NKAIN3: variants seen among roughly 807,000 people sequenced by gnomAD.
NKAIN3 encodes the protein sodium/potassium transporting ATPase interacting 3.
NKAIN3 carries 25 observed loss-of-function variants against 30.2 expected under a neutral mutation model. The ratio of observed to expected loss-of-function variants is 0.83; its 90% CI spans 0.60 to 1.16. The LOEUF is 1.16. NKAIN3 is among the 50% of genes most tolerant of loss of function. The probability of loss-of-function intolerance (pLI) is 0.00; values close to 1 mark genes in which losing one functional copy is unlikely to be tolerated. For missense variants in NKAIN3, 225 were observed against 254.1 expected (o/e 0.89, Z 0.78); for synonymous variants, 91 against 89.6 (o/e 1.02, Z -0.09).
intron 1 of NKAIN3, among the ~76,000 whole-genome samples, chr8:62,502,141 T>G (rs1384210031): frequency 1.3e-5 from 2 of 152,064 alleles, no homozygotes; most frequent in African/African-American, 4.8e-5. Flanking sequence ...AAAAGTCTCT[T>G]TCTCATAAAT....
intron 4 of NKAIN3, among the ~76,000 whole-genome samples, chr8:62,778,582 G>A (rs1418049886): frequency 6.6e-6 from 1 of 152,046 alleles, no homozygotes; most frequent in African/African-American, 2.4e-5. Context: ...ATACTGCCAG[G>A]CCTGGGACTC....
At chr8:62,759,994 A>G (rs1816593100) in intron 4 of NKAIN3, among the ~76,000 whole-genome samples, 1 of 152,234 alleles carries the variant, frequency 6.6e-6, no homozygotes, top group South Asian at 2.1e-4. Context: ...TCAAAAGAAG[A>G]CATTTATGCA....
intron 1 of NKAIN3, among the ~76,000 whole-genome samples, chr8:62,541,568 G>T (rs951242020): frequency 2.6e-5 from 4 of 151,994 alleles, no homozygotes; most frequent in Non-Finnish European, 4.4e-5. Flanking sequence ...CTCTGAGAAG[G>T]TCTATTAAAT....
chr8:62,648,524 G>A (rs1008171094), intron 3 of NKAIN3, among the ~76,000 whole-genome samples: 3 of 152,098 alleles, frequency 2.0e-5, no homozygotes, highest in African/African-American at 7.2e-5. Flanking sequence ...AAAAATAGAA[G>A]TGAGGTAAGA....
At chr8:62,881,873 T>C (rs1231220786) in intron 4 of NKAIN3, among the ~76,000 whole-genome samples, 1 of 152,262 alleles carries the variant, frequency 6.6e-6, no homozygotes, top group Non-Finnish European at 1.5e-5. Context: ...AAAGTTTCTG[T>C]TGAACTCAGA....
intron 3 of NKAIN3, among the ~76,000 whole-genome samples, chr8:62,720,375 T>C (rs1403514566): frequency 3.3e-5 from 5 of 152,220 alleles, no homozygotes; most frequent in African/African-American, 1.2e-4. Context: ...ATTACAACTC[T>C]CTGAATTTCA....
intron 1 of NKAIN3, among the ~76,000 whole-genome samples, chr8:62,357,214 C>G (rs1025489847): frequency 6.6e-6 from 1 of 152,112 alleles, no homozygotes. Flanking sequence ...TGAGAACAGC[C>G]TGGGCAACAT....
chr8:62,725,491 GT>G (rs1390905557), intron 3 of NKAIN3, among the ~76,000 whole-genome samples: 4 of 152,050 alleles, frequency 2.6e-5, no homozygotes, highest in Non-Finnish European at 5.9e-5. Flanking sequence ...TCTTTTAGTA[GT>G]TTCATAGTTT....
At chr8:62,295,606 C>T (rs1813800191) in intron 1 of NKAIN3, among the ~76,000 whole-genome samples, 1 of 152,118 alleles carries the variant, frequency 6.6e-6, no homozygotes, top group Non-Finnish European at 1.5e-5. Flanking sequence ...TTCTATTTCA[C>T]AGCTTTTTTG....
At chr8:62,763,579 C>A (rs1586172746) in intron 4 of NKAIN3, among the ~76,000 whole-genome samples, 2 of 152,082 alleles carry the variant, frequency 1.3e-5, no homozygotes, top group Non-Finnish European at 2.9e-5. Context: ...GTCCTGCAGA[C>A]AATGAAACGT....
intron 1 of NKAIN3, among the ~76,000 whole-genome samples, chr8:62,249,899 T>G (rs963624283): frequency 5.9e-5 from 9 of 152,184 alleles, no homozygotes; most frequent in Non-Finnish European, 1.3e-4. Context: ...CAAATGCTCC[T>G]CTTAATCCCT....
chr8:62,383,393 C>G (rs550077843), intron 1 of NKAIN3: 8 of 403,178 alleles, frequency 2.0e-5, no homozygotes, highest in African/African-American at 2.1e-5. Flanking sequence ...AGTGGAGTAG[C>G]CTTTTCCTTC....
intron 4 of NKAIN3, among the ~76,000 whole-genome samples, chr8:62,822,028 T>C (rs1315624645): frequency 6.6e-6 from 1 of 151,866 alleles, no homozygotes; most frequent in Non-Finnish European, 1.5e-5. Flanking sequence ...TGGAAAAAAA[T>C]CCCTCCAGGA....
chr8:62,667,359 C>G (rs58920762), intron 3 of NKAIN3, among the ~76,000 whole-genome samples: 10 of 64,238 alleles, frequency 1.6e-4, no homozygotes, highest in African/African-American at 3.9e-4. Flanking sequence ...ATATATATAT[C>G]TGTATATATA....
At chr8:62,937,533 C>A (rs1822822914) in intron 5 of NKAIN3, among the ~76,000 whole-genome samples, 1 of 152,030 alleles carries the variant, frequency 6.6e-6, no homozygotes, top group South Asian at 2.1e-4. Flanking sequence ...ACTCCTCGCC[C>A]CCAAGGAAGA....
intron 4 of NKAIN3, among the ~76,000 whole-genome samples, chr8:62,782,632 G>A (rs1817386383): frequency 1.3e-5 from 2 of 151,570 alleles, no homozygotes; most frequent in Non-Finnish European, 2.9e-5. Context: ...CAACGTGGAT[G>A]GAATTGGAGG....
intron 3 of NKAIN3, among the ~76,000 whole-genome samples, chr8:62,617,734 T>C (rs1811502162): frequency 6.6e-6 from 1 of 152,176 alleles, no homozygotes; most frequent in South Asian, 2.1e-4. Flanking sequence ...AAGATTATAG[T>C]CATTATTGAC....
At chr8:62,435,680 A>G (rs1805149312) in intron 1 of NKAIN3, among the ~76,000 whole-genome samples, 3 of 152,178 alleles carry the variant, frequency 2.0e-5, no homozygotes, top group South Asian at 2.1e-4. Flanking sequence ...ATTAATATGC[A>G]TTGTTATCCA....
intron 1 of NKAIN3, among the ~76,000 whole-genome samples, chr8:62,504,421 G>A (rs1446163572): frequency 6.6e-6 from 1 of 152,046 alleles, no homozygotes. Context: ...TCCACCTATT[G>A]CATTCCTATT....
Sources: allele counts gnomAD v4.1 joint callset (sites outside exome capture counted in the v4.1 genomes callset), GRCh38; gene constraint gnomAD v4.1.1; transcripts MANE v1.5; gene names NCBI Gene and HGNC (gene_info 2026-07-23, HGNC 2026-07-21).